Variants in TASP1 observed in about 807,000 individuals in gnomAD.
The protein encoded by TASP1 is threonine aspartase 1.
A neutral mutation model predicts 56.6 loss-of-function variants in TASP1; 16 were observed. The observed-to-expected ratio is 0.28, with a 90% CI of 0.19 to 0.43. The LOEUF is 0.43. TASP1 is among the 20% of genes least tolerant of loss of function. TASP1 has a pLI of 1.00. For synonymous variants in TASP1, 179 were observed against 184.2 expected, an observed-to-expected ratio of 0.97 and a Z score of 0.23; for missense variants, 393 against 511.6, an observed-to-expected ratio of 0.77 and a Z score of 2.24.
At chr20:13,271,495 AG>A in the TASP1 span, among the ~76,000 whole-genome samples, 1 of 152,226 alleles carries the variant, frequency 6.6e-6, no homozygotes, top group African/African-American at 2.4e-5. Context: ...ACCCTCATGA[AG>A]GAGACAAAGC....
intron 7 of TASP1, among the ~76,000 whole-genome samples, chr20:13,564,931 G>A (rs1017651327): frequency 1.2e-4 from 18 of 151,522 alleles, no homozygotes; most frequent in East Asian, 1.9e-4. Flanking sequence ...GTTTGAGCCC[G>A]GGAAGCGGAG....
At chr20:13,192,252 C>T in the TASP1 span, among the ~76,000 whole-genome samples, 2 of 152,290 alleles carry the variant, frequency 1.3e-5, no homozygotes, top group South Asian at 4.1e-4. Context: ...ACATAAAGAA[C>T]AGGGCCGGGA....
the TASP1 span, among the ~76,000 whole-genome samples, chr20:13,209,451 C>T: frequency 1.3e-5 from 2 of 152,088 alleles, no homozygotes; most frequent in African/African-American, 4.8e-5. Flanking sequence ...TTGAATTGTA[C>T]TGGGAAATTT....
chr20:13,393,130 C>T, intron 13 of TASP1: 1 of 649,046 alleles, frequency 1.5e-6, no homozygotes. Flanking sequence ...GCCTCCTGTA[C>T]CACCAACTGC....
the TASP1 span, among the ~76,000 whole-genome samples, chr20:13,323,169 A>G: frequency 6.6e-6 from 1 of 152,164 alleles, no homozygotes; most frequent in Non-Finnish European, 1.5e-5. Context: ...ACAGTCCCCA[A>G]ATATTACTTG....
chr20:13,538,292 C>A (rs2045491314), intron 8 of TASP1, among the ~76,000 whole-genome samples: 1 of 152,178 alleles, frequency 6.6e-6, no homozygotes, highest in African/African-American at 2.4e-5. Context: ...GCATGAGCCA[C>A]CAGGCCCAGC....
At chr20:13,245,161 A>T in the TASP1 span, 1 of 152,170 alleles carries the variant, frequency 6.6e-6, no homozygotes, top group South Asian at 2.1e-4. Flanking sequence ...CCCTATACTT[A>T]TGCTACCCCG....
intron 1 of TASP1, among the ~76,000 whole-genome samples, chr20:13,635,278 C>T (rs907049818): frequency 6.6e-6 from 1 of 152,162 alleles, no homozygotes; most frequent in African/African-American, 2.4e-5. Context: ...CTGCTTACAA[C>T]CTTTGATTCT....
the TASP1 span, among the ~76,000 whole-genome samples, chr20:13,110,905 C>T: frequency 6.6e-6 from 1 of 152,158 alleles, no homozygotes. Flanking sequence ...GAAGTGAAGG[C>T]TGTTCAACTT....
At chr20:13,167,921 A>C in the TASP1 span, 2 of 152,208 alleles carry the variant, frequency 1.3e-5, no homozygotes, top group Non-Finnish European at 2.9e-5. Context: ...TAATAGCAGG[A>C]ACCTTGTTCT....
At chr20:13,180,140 A>C in the TASP1 span, among the ~76,000 whole-genome samples, 1 of 152,228 alleles carries the variant, frequency 6.6e-6, no homozygotes, top group Non-Finnish European at 1.5e-5. Flanking sequence ...TAATGATTTC[A>C]AGAATAAATT....
the TASP1 span, among the ~76,000 whole-genome samples, chr20:13,138,310 T>A: frequency 6.6e-6 from 1 of 152,130 alleles, no homozygotes; most frequent in Non-Finnish European, 1.5e-5. Context: ...GCAGGCAGCT[T>A]TTCCTCTATC....
the TASP1 span, among the ~76,000 whole-genome samples, chr20:13,311,098 GTGGGAGAATCACTT>G: frequency 9.2e-5 from 14 of 152,124 alleles, no homozygotes; most frequent in Non-Finnish European, 1.6e-4. Context: ...GGAGGCTGAG[GTGGGAGAATCACTT>G]GAACCCGGGA....
chr20:13,362,487 A>AC, the TASP1 span, among the ~76,000 whole-genome samples: 9 of 135,060 alleles, frequency 6.7e-5, 1 homozygote, highest in African/African-American at 9.4e-5. Context: ...GCACCTTGAG[A>AC]CCCCCACTCC....
chr20:13,328,634 G>C, the TASP1 span, among the ~76,000 whole-genome samples: 1 of 152,196 alleles, frequency 6.6e-6, no homozygotes, highest in Non-Finnish European at 1.5e-5. Flanking sequence ...CTATAAAAAG[G>C]AATGAGATCG....
At chr20:13,233,853 C>T in the TASP1 span, among the ~76,000 whole-genome samples, 1 of 152,158 alleles carries the variant, frequency 6.6e-6, no homozygotes, top group Non-Finnish European at 1.5e-5. Context: ...GCTTCTCAGC[C>T]CTTGCGCCCA....
the TASP1 span, chr20:13,299,515 G>C: frequency 2.7e-6 from 4 of 1,466,756 alleles, no homozygotes; most frequent in Non-Finnish European, 3.7e-6. The surrounding 1 kb of genome is among the most constrained non-coding windows in gnomAD (Gnocchi z 5.8). Context: ...CACACGTGCT[G>C]CACTGACGTG....
intron 10 of TASP1, 53 bp from the exon 11 acceptor site, chr20:13,483,390 C>G: frequency 7.8e-7 from 1 of 1,275,808 alleles, no homozygotes; most frequent in South Asian, 1.6e-5. Context: ...GAACACCCTG[C>G]TTATTTCAAT....
chr20:13,483,786 A>G (rs1026933855), intron 10 of TASP1, among the ~76,000 whole-genome samples: 2 of 152,216 alleles, frequency 1.3e-5, no homozygotes, highest in Non-Finnish European at 2.9e-5. Context: ...AGCAATGGCA[A>G]CAAAAGCCAA....
Sources: gnomAD v4.1 joint callset for allele counts (sites outside exome capture counted in the v4.1 genomes callset) on GRCh38, gnomAD v4.1.1 for gene constraint, Gnocchi (gnomAD v3.1) non-coding constraint, MANE v1.5 for transcripts, NCBI Gene and HGNC (gene_info 2026-07-23, HGNC 2026-07-21) for gene names.